Variants in SLC24A2 observed in about 807,000 individuals in gnomAD.
SLC24A2 encodes sodium/potassium/calcium exchanger 2.
In SLC24A2, 36 loss-of-function variants were observed where a neutral mutation model predicts 62.0. The ratio of observed to expected loss-of-function variants is 0.58; its 90% CI spans 0.44 to 0.77. SLC24A2 has a LOEUF of 0.77. Ranked by LOEUF, SLC24A2 falls within the 30% of genes least tolerant of loss-of-function variation. SLC24A2 has a pLI of 0.00. For synonymous variants in SLC24A2, 358 were observed against 294.0 expected (o/e 1.22, Z -2.23); for missense variants, 846 against 817.9 (o/e 1.03, Z -0.42).
At chr9:20,289,482 G>A in the SLC24A2 span, among the ~76,000 whole-genome samples, 7 of 152,094 alleles carry the variant, frequency 4.6e-5, no homozygotes, top group East Asian at 3.9e-4. Flanking sequence ...GCTCTTCCCC[G>A]TTTCTTGCTG....
In SLC24A2 at chr9:19,546,484, T is replaced by C. The variant is rs112046810; in HGVS notation, c.1479+3653A>G. On this transcript the variant is annotated intron_variant, in intron 8 of 10. Coordinates refer to ENST00000341998, the MANE Select transcript of SLC24A2 (RefSeq NM_020344.4). ...AACTTCCCGGTGGCTTTGTTTACAC[T>C]GTCAGGGTAAAACTGCCTACTTAAG... 7.6e-3 allele frequency among the ~76,000 whole-genome samples: 1,157 copies of C among 152,332 alleles called. 7 individuals carry two copies. The highest frequency in any genetic ancestry group is 0.011 in the Non-Finnish European group (743 of 68,038).
At chr9:20,191,932 A>T in the SLC24A2 span, among the ~76,000 whole-genome samples, 3 of 152,118 alleles carry the variant, frequency 2.0e-5, no homozygotes, top group African/African-American at 7.2e-5. Flanking sequence ...CCTGGCATTG[A>T]CCCATGAAGA....
the SLC24A2 span, among the ~76,000 whole-genome samples, chr9:20,080,135 T>G: frequency 6.6e-6 from 1 of 152,156 alleles, no homozygotes. Flanking sequence ...ACTTTAAAAT[T>G]CATATGGAAC....
At chr9:20,051,239 C>T in the SLC24A2 span, among the ~76,000 whole-genome samples, 7 of 152,094 alleles carry the variant, frequency 4.6e-5, no homozygotes, top group South Asian at 2.1e-4. Flanking sequence ...TCAAGCAAAA[C>T]GTTTACTGAA....
the SLC24A2 span, among the ~76,000 whole-genome samples, chr9:20,114,468 A>T: frequency 6.6e-6 from 1 of 152,148 alleles, no homozygotes; most frequent in Non-Finnish European, 1.5e-5. Context: ...TTTCCAAGGA[A>T]CTTCATGACA....
At chr9:20,285,925 G>A in the SLC24A2 span, among the ~76,000 whole-genome samples, 1 of 152,120 alleles carries the variant, frequency 6.6e-6, no homozygotes, top group Admixed American at 6.5e-5. Context: ...AACCAAACCT[G>A]CCAACACCTT....
chr9:20,192,979 G>C, the SLC24A2 span, among the ~76,000 whole-genome samples: 1 of 152,056 alleles, frequency 6.6e-6, no homozygotes, highest in Non-Finnish European at 1.5e-5. Flanking sequence ...TTTATTTGAA[G>C]AACCCCCCAG....
chr9:19,880,743 G>A, the SLC24A2 span, among the ~76,000 whole-genome samples: 6,930 of 152,226 alleles, frequency 0.046, 234 homozygotes, highest in Non-Finnish European at 0.072. Flanking sequence ...ACTGAAGGAG[G>A]CTATAGGAGG....
chr9:20,082,981 C>G, the SLC24A2 span, among the ~76,000 whole-genome samples: 1 of 152,164 alleles, frequency 6.6e-6, no homozygotes, highest in African/African-American at 2.4e-5. Context: ...GGCAATGTGC[C>G]TTTTCTTGGC....
At chr9:19,862,453 A>G in the SLC24A2 span, among the ~76,000 whole-genome samples, 3 of 152,280 alleles carry the variant, frequency 2.0e-5, no homozygotes, top group Middle Eastern at 3.4e-3. Context: ...CAGTACTTCA[A>G]TCAGAAAGGA....
chr9:20,276,752 G>A, the SLC24A2 span, among the ~76,000 whole-genome samples: 40 of 152,334 alleles, frequency 2.6e-4, no homozygotes, highest in African/African-American at 5.1e-4. Flanking sequence ...AAATCTAGGC[G>A]GAGGTTCCCA....
the SLC24A2 span, among the ~76,000 whole-genome samples, chr9:20,189,047 A>G: frequency 6.6e-6 from 1 of 151,316 alleles, no homozygotes; most frequent in African/African-American, 2.4e-5. Flanking sequence ...CTAGACTGCC[A>G]GAAATTAGGG....
At chr9:19,730,383 A>T (rs1821300222) in intron 2 of SLC24A2, among the ~76,000 whole-genome samples, 1 of 152,226 alleles carries the variant, frequency 6.6e-6, no homozygotes, top group African/African-American at 2.4e-5. Flanking sequence ...TATGATAATT[A>T]TTTAACGTAT....
At chr9:19,641,165 G>A (rs1003992420) in intron 2 of SLC24A2, among the ~76,000 whole-genome samples, 1 of 152,204 alleles carries the variant, frequency 6.6e-6, no homozygotes, top group African/African-American at 2.4e-5. Context: ...ATATCTACGT[G>A]ACATCTCAGC....
At chr9:20,225,576 T>TATATATTATATATA in the SLC24A2 span, among the ~76,000 whole-genome samples, 1 of 126,440 alleles carries the variant, frequency 7.9e-6, no homozygotes, top group Non-Finnish European at 1.5e-5. Context: ...ATATATATAA[T>TATATATTATATATA]TTCATTTAAA....
rs183460092 is a variant in SLC24A2, at chr9:19,561,914, T to G, written c.1347+11437A>C. Among the ~76,000 whole-genome samples the G allele has an allele frequency of 2.7e-3, 414 of 152,304 alleles. 1 individual carries two copies. The highest frequency in any genetic ancestry group is 4.7e-3 in the Non-Finnish European group (319 of 68,006). On this transcript the variant is annotated intron_variant, in intron 7 of 10. Coordinates refer to ENST00000341998, the MANE Select transcript of SLC24A2 (RefSeq NM_020344.4). ...TGGCCTCCTGAAAACAACTTAATCT[T>G]CTTGGACAAGACTCTGAACTGAAAT...
chr9:19,668,439 A>G (rs1819319787), intron 2 of SLC24A2, among the ~76,000 whole-genome samples: 1 of 152,146 alleles, frequency 6.6e-6, no homozygotes, highest in African/African-American at 2.4e-5. Context: ...ATTTCCTCAA[A>G]TCGCAAAACA....
At chr9:20,259,425 T>C in the SLC24A2 span, among the ~76,000 whole-genome samples, 2 of 152,158 alleles carry the variant, frequency 1.3e-5, no homozygotes, top group Non-Finnish European at 2.9e-5. Flanking sequence ...TGTGGGAGGA[T>C]TAAATTTTAT....
At chr9:19,661,150 A>G (rs959975245) in intron 2 of SLC24A2, among the ~76,000 whole-genome samples, 1 of 151,812 alleles carries the variant, frequency 6.6e-6, no homozygotes, top group African/African-American at 2.4e-5. Context: ...GGTTAAGAGA[A>G]ACACGGTAAA....
Sources: allele counts gnomAD v4.1 joint callset (sites outside exome capture counted in the v4.1 genomes callset), GRCh38; gene constraint gnomAD v4.1.1; transcripts MANE v1.5; gene names NCBI Gene and HGNC (gene_info 2026-07-23, HGNC 2026-07-21).